RMST: variants seen among roughly 807,000 people sequenced by gnomAD.
RMST encodes the protein rhabdomyosarcoma 2 associated transcript, also known as long intergenic non-protein coding RNA 54.
At chr12:97,516,356 T>C (rs1184914248) in intron 10 of RMST, among the ~76,000 whole-genome samples, 2 of 152,024 alleles carry the variant, frequency 1.3e-5, no homozygotes, top group African/African-American at 4.8e-5. Context: ...CGTCACATTT[T>C]GTAAAACCCT....
At chr12:97,524,075 C>CAGAAAAAAA (rs57255256) in intron 10 of RMST, among the ~76,000 whole-genome samples, 1 of 56,118 alleles carries the variant, frequency 1.8e-5, no homozygotes, top group Non-Finnish European at 3.2e-5. Context: ...GACTCTGTCT[C>CAGAAAAAAA]AAAAAAAAAA....
chr12:97,534,249 T>C (rs1230495735), intron 11 of RMST, among the ~76,000 whole-genome samples: 1 of 151,816 alleles, frequency 6.6e-6, no homozygotes, highest in Non-Finnish European at 1.5e-5. Flanking sequence ...TCATGATACT[T>C]GTTTTCTTAT....
intron 5 of RMST, among the ~76,000 whole-genome samples, chr12:97,487,966 C>T (rs899278579): frequency 6.6e-6 from 1 of 152,206 alleles, no homozygotes. Flanking sequence ...TCTCCTTCTA[C>T]CCCCACGGAT....
intron 5 of RMST, among the ~76,000 whole-genome samples, chr12:97,484,639 A>C (rs142318025): frequency 1.3e-5 from 2 of 152,352 alleles, no homozygotes; most frequent in Non-Finnish European, 2.9e-5. Flanking sequence ...ATGTTGGCTG[A>C]GAAATAAGCT....
At chr12:97,491,910 T>C (rs1227693439) in intron 5 of RMST, 1 of 532,922 alleles carries the variant, frequency 1.9e-6, no homozygotes, top group African/African-American at 1.9e-5. Flanking sequence ...GTCAGCTATG[T>C]GGACTCTAGC....
intron 10 of RMST, among the ~76,000 whole-genome samples, chr12:97,497,770 T>C (rs1213680054): frequency 6.6e-6 from 1 of 151,940 alleles, no homozygotes; most frequent in Non-Finnish European, 1.5e-5. Context: ...AAGAAACACA[T>C]ATAATGTGAA....
chr12:97,463,017 G>GTCTCTCGCTCTCTC (rs1872741645), intron 3 of RMST: 1 of 129,898 alleles, frequency 7.7e-6, no homozygotes, highest in Non-Finnish European at 1.7e-5. Context: ...CAAGTCAGCA[G>GTCTCTCGCTCTCTC]TCTCTCTCTC....
At chr12:97,488,988 T>C (rs1876449480) in intron 5 of RMST, among the ~76,000 whole-genome samples, 1 of 152,168 alleles carries the variant, frequency 6.6e-6, no homozygotes, top group South Asian at 2.1e-4. Context: ...AAGCTGAAGA[T>C]ATGGACAATT....
chr12:97,486,447 G>C (rs988310339), intron 5 of RMST, among the ~76,000 whole-genome samples: 1 of 152,168 alleles, frequency 6.6e-6, no homozygotes, highest in African/African-American at 2.4e-5. Context: ...ATAATTATTT[G>C]TAAGAAACAA....
intron 11 of RMST, among the ~76,000 whole-genome samples, chr12:97,549,124 A>G (rs1189758656): frequency 1.3e-5 from 2 of 152,210 alleles, no homozygotes; most frequent in South Asian, 2.1e-4. Context: ...TATGAAACAT[A>G]TATATCTGCA....
chr12:97,514,110 G>A (rs922085908), intron 10 of RMST, among the ~76,000 whole-genome samples: 2 of 152,184 alleles, frequency 1.3e-5, no homozygotes, highest in Admixed American at 6.5e-5. Flanking sequence ...GCAGAAACTG[G>A]AAGTACAGGG....
At chr12:97,513,760 G>A (rs553362380) in intron 10 of RMST, among the ~76,000 whole-genome samples, 2 of 152,296 alleles carry the variant, frequency 1.3e-5, no homozygotes, top group South Asian at 4.1e-4. Context: ...CAATTGGAGT[G>A]TCTTGGGAAG....
At chr12:97,497,746 T>G (rs1877609804) in intron 10 of RMST, among the ~76,000 whole-genome samples, 1 of 152,142 alleles carries the variant, frequency 6.6e-6, no homozygotes, top group South Asian at 2.1e-4. Context: ...AAAATGTGTT[T>G]TGTTTTTTAA....
chr12:97,507,129 T>C (rs1218167363), intron 10 of RMST, among the ~76,000 whole-genome samples: 2 of 151,948 alleles, frequency 1.3e-5, no homozygotes. Context: ...TGAGACCAGG[T>C]GGTGATGGAC....
chr12:97,539,326 T>A (rs1420419356), intron 11 of RMST, among the ~76,000 whole-genome samples: 2 of 151,580 alleles, frequency 1.3e-5, no homozygotes, highest in African/African-American at 2.4e-5. Context: ...AAATACTCCA[T>A]GGACAGTGCA....
At chr12:97,492,868 G>A (rs1223859288) in intron 6 of RMST, 1 of 152,036 alleles carries the variant, frequency 6.6e-6, no homozygotes, top group East Asian at 1.9e-4. Flanking sequence ...TTTTGATTTT[G>A]GAGATATTTT....
At chr12:97,487,453 G>A (rs1025549590) in intron 5 of RMST, among the ~76,000 whole-genome samples, 2 of 152,024 alleles carry the variant, frequency 1.3e-5, no homozygotes, top group African/African-American at 4.8e-5. Flanking sequence ...ACCTAAACAT[G>A]CAACAATAAG....
intron 11 of RMST, among the ~76,000 whole-genome samples, chr12:97,534,655 T>G: frequency 6.6e-6 from 1 of 151,740 alleles, no homozygotes; most frequent in East Asian, 1.9e-4. Context: ...TTTGCTTCAG[T>G]GTGCTTCGAA....
chr12:97,554,696 A>G (rs1423210931), intron 11 of RMST, among the ~76,000 whole-genome samples: 5 of 152,188 alleles, frequency 3.3e-5, no homozygotes, highest in African/African-American at 1.2e-4. Flanking sequence ...CTAGGTGTCT[A>G]GCTAATGATC....
Sources: allele counts gnomAD v4.1 joint callset (sites outside exome capture counted in the v4.1 genomes callset), GRCh38; gene constraint gnomAD v4.1.1; transcripts MANE v1.5; gene names NCBI Gene and HGNC (gene_info 2026-07-23, HGNC 2026-07-21).